The following CRTAC1 variants were observed in gnomAD, a reference collection of about 807,000 sequenced individuals.
CRTAC1 encodes the protein cartilage acidic protein 1.
CRTAC1 carries 37 observed loss-of-function variants against 67.8 expected under a neutral mutation model. The ratio of observed to expected loss-of-function variants is 0.55; its 90% CI spans 0.42 to 0.72. The LOEUF (loss-of-function observed/expected upper bound fraction) is 0.72, where lower values mean the gene tolerates loss of function less well. Ranked by LOEUF, CRTAC1 falls within the 30% of genes least tolerant of loss-of-function variation. CRTAC1 has a pLI of 0.00. For synonymous variants in CRTAC1, 348 were observed against 371.0 expected, an observed-to-expected ratio of 0.94 and a Z score of 0.71; for missense variants, 780 against 931.6, an observed-to-expected ratio of 0.84 and a Z score of 2.12.
At position 97,895,785 on chromosome 10, in the gene CRTAC1, A is replaced by G; in HGVS notation, c.1317+100T>C. 3 of 963,278 alleles carry G rather than the reference A, an allele frequency of 3.1e-6. No homozygotes were observed. The highest frequency in any genetic ancestry group is 4.7e-6 in the Non-Finnish European group (3 of 632,076). 59.7% of individuals were successfully genotyped at this position (963,278 alleles called of 1,614,324 possible). On this transcript the variant is annotated intron_variant, in intron 10 of 14. Coordinates refer to ENST00000370597, the MANE Select transcript of CRTAC1 (RefSeq NM_018058.7). This position sits in a 1 kb window ranked among gnomAD's most constrained non-coding sequence, Gnocchi z 4.2. ...GGGCCCGGGACTTCCATTACCCACCATGCTGGCCAAGCCAGCACCCCGGCA... is the reference window on the plus strand; with the variant it reads ...GGGCCCGGGACTTCCATTACCCACCGTGCTGGCCAAGCCAGCACCCCGGCA...
intron 1 of CRTAC1, among the ~76,000 whole-genome samples, chr10:98,016,140 A>C (rs1361763110): frequency 6.6e-6 from 1 of 152,106 alleles, no homozygotes; most frequent in Non-Finnish European, 1.5e-5. Flanking sequence ...TGAGAAGGGG[A>C]AAGGGTTGAT....
At chr10:97,989,694 C>T (rs1842399540) in intron 2 of CRTAC1, among the ~76,000 whole-genome samples, 1 of 152,206 alleles carries the variant, frequency 6.6e-6, no homozygotes, top group South Asian at 2.1e-4. Flanking sequence ...TTAATACCGC[C>T]ACTACCATAG....
At chr10:98,007,292 C>A (rs964549607) in intron 2 of CRTAC1, among the ~76,000 whole-genome samples, 3 of 152,232 alleles carry the variant, frequency 2.0e-5, no homozygotes, top group South Asian at 2.1e-4. Context: ...AGGGGTGGAC[C>A]AAATGACCTC....
intron 2 of CRTAC1, among the ~76,000 whole-genome samples, chr10:97,997,154 G>A (rs1842594994): frequency 6.7e-6 from 1 of 149,364 alleles, no homozygotes; most frequent in Non-Finnish European, 1.5e-5. Context: ...GTTAATGGGT[G>A]CAGCACACCA....
chr10:98,017,650 C>T (rs1160841360), intron 1 of CRTAC1, among the ~76,000 whole-genome samples: 1 of 151,850 alleles, frequency 6.6e-6, no homozygotes, highest in Non-Finnish European at 1.5e-5. Flanking sequence ...TGTCTCACCT[C>T]AGCCTCTCAA....
At chr10:97,891,623 T>C (rs1323340590) in intron 11 of CRTAC1, among the ~76,000 whole-genome samples, 1 of 152,252 alleles carries the variant, frequency 6.6e-6, no homozygotes, top group Non-Finnish European at 1.5e-5. Flanking sequence ...TCTCTGCCTC[T>C]TTCCCCATGT....
intron 2 of CRTAC1, among the ~76,000 whole-genome samples, chr10:97,974,559 A>G (rs929637122): frequency 6.6e-6 from 1 of 152,234 alleles, no homozygotes; most frequent in African/African-American, 2.4e-5. Context: ...ATATTAATCT[A>G]GAGAAGGAGA....
At chr10:97,976,709 C>T (rs1392123049) in intron 2 of CRTAC1, among the ~76,000 whole-genome samples, 3 of 152,234 alleles carry the variant, frequency 2.0e-5, no homozygotes, top group Admixed American at 6.5e-5. Context: ...TTTATCCTCT[C>T]CTACTCCACT....
chr10:97,888,687 C>T (rs937647697), intron 11 of CRTAC1, among the ~76,000 whole-genome samples: 20 of 152,084 alleles, frequency 1.3e-4, no homozygotes, highest in Non-Finnish European at 2.8e-4. Context: ...TAAGTCTTTC[C>T]GGGGCTGCAC....
rs1180399831 is a variant in CRTAC1, at chr10:97,884,371, A to G, written c.1487-20T>C. ...CCTTCCCTGAGGGGCAGAAGGAGAGAGCATCAGCAGCAGAGGAGAGCAGGA... is the reference window on the plus strand; with the variant it reads ...CCTTCCCTGAGGGGCAGAAGGAGAGGGCATCAGCAGCAGAGGAGAGCAGGA... On this transcript the variant is annotated intron_variant, in intron 11 of 14. Coordinates refer to ENST00000370597, the MANE Select transcript of CRTAC1 (RefSeq NM_018058.7). 11 of 1,549,794 alleles carry G rather than the reference A, an allele frequency of 7.1e-6. No homozygotes were observed. In the East Asian group the frequency reaches 2.2e-4, roughly 31 times the overall value.
chr10:98,018,347 T>A (rs959991916), intron 1 of CRTAC1, among the ~76,000 whole-genome samples: 3 of 151,842 alleles, frequency 2.0e-5, no homozygotes, highest in Admixed American at 6.6e-5. Flanking sequence ...GTCTTTGGTG[T>A]CCTCATCTGT....
intron 2 of CRTAC1, among the ~76,000 whole-genome samples, chr10:97,941,650 A>T (rs1284736629): frequency 6.6e-6 from 1 of 152,090 alleles, no homozygotes; most frequent in Non-Finnish European, 1.5e-5. Flanking sequence ...GCCTCTCATT[A>T]ATTGGCCCAT....
chr10:97,866,025 G>A, intron 14 of CRTAC1: 1 of 355,556 alleles, frequency 2.8e-6, no homozygotes, highest in South Asian at 7.8e-5. Context: ...CTCTTCCACA[G>A]CCCCTCTCCC....
intron 2 of CRTAC1, among the ~76,000 whole-genome samples, chr10:97,991,486 C>T (rs1024658289): frequency 2.0e-5 from 3 of 151,156 alleles, no homozygotes; most frequent in African/African-American, 7.3e-5. Context: ...TCATTTTATC[C>T]CCCCGATAAA....
chr10:97,882,599 A>G (rs891991144), intron 13 of CRTAC1, among the ~76,000 whole-genome samples, 187 bp downstream of exon 13: 2 of 152,116 alleles, frequency 1.3e-5, no homozygotes, highest in Non-Finnish European at 2.9e-5. Context: ...GGTCACTAAT[A>G]TCACTCCCAC....
At chr10:97,992,400 T>C (rs1842479407) in intron 2 of CRTAC1, among the ~76,000 whole-genome samples, 1 of 152,164 alleles carries the variant, frequency 6.6e-6, no homozygotes, top group Non-Finnish European at 1.5e-5. Context: ...CCTCAAAAAC[T>C]TAAAAATAGA....
rs55837214 is a variant in CRTAC1, at chr10:97,921,901, C to CT, written c.558+1362dup. Among the ~76,000 whole-genome samples, 605 of 144,956 alleles carry CT rather than the reference C, an allele frequency of 4.2e-3. 2 individuals are homozygous for CT. The highest frequency in any genetic ancestry group is 0.011 in the African/African-American group (450 of 39,464). On this transcript the variant is annotated intron_variant, in intron 4 of 14. Coordinates refer to ENST00000370597, the MANE Select transcript of CRTAC1 (RefSeq NM_018058.7). ...CTCCTGTGCTGCAGTGCCAGGTCAT[C>CT]TTTTTTTTTTTTTTTCATTTCACAT...
At position 97,898,730 on chromosome 10, in the gene CRTAC1, G is replaced by A. The variant is rs531817910; in HGVS notation, c.1134-1739C>T. On this transcript the variant is annotated intron_variant, in intron 8 of 14. Coordinates refer to ENST00000370597, the MANE Select transcript of CRTAC1 (RefSeq NM_018058.7). ...AGAGACAAGGAGAGCAGCTGGGGGA[G>A]GTGCAGGAATCTCCGTGGGAGACCA... Among the ~76,000 whole-genome samples the A allele has an allele frequency of 5.9e-5, 9 of 152,256 alleles. 1 individual carries two copies. In the South Asian group the frequency reaches 1.7e-3, roughly 28 times the overall value.
chr10:97,917,932 C>G (rs567630662), intron 4 of CRTAC1, among the ~76,000 whole-genome samples: 101 of 152,324 alleles, frequency 6.6e-4, no homozygotes, highest in Non-Finnish European at 1.1e-3. Context: ...CCCTCTCCCC[C>G]ACAACCACCT....
Sources: gnomAD v4.1 joint callset for allele counts (sites outside exome capture counted in the v4.1 genomes callset) on GRCh38, gnomAD v4.1.1 for gene constraint, Gnocchi (gnomAD v3.1) non-coding constraint, MANE v1.5 for transcripts, NCBI Gene and HGNC (gene_info 2026-07-23, HGNC 2026-07-21) for gene names.